TGFBRAP1: variants seen among roughly 807,000 people sequenced by gnomAD.
TGFBRAP1 encodes the protein transforming growth factor-beta receptor-associated protein 1.
In TGFBRAP1, 20 loss-of-function variants were observed where a neutral mutation model predicts 83.2. The observed-to-expected ratio is 0.24, with a 90% CI of 0.17 to 0.35. The LOEUF (loss-of-function observed/expected upper bound fraction) is 0.35, where lower values mean the gene tolerates loss of function less well. Ranked by LOEUF, TGFBRAP1 falls within the 10% of genes least tolerant of loss-of-function variation. The pLI is 1.00. For synonymous variants in TGFBRAP1, 415 were observed against 459.8 expected (o/e 0.90, Z 1.25); for missense variants, 950 against 1,099.4 (o/e 0.86, Z 1.92).
chr2:105,277,841 C>T (rs1471639268), intron 6 of TGFBRAP1, among the ~76,000 whole-genome samples, 170 bp from the exon 7 acceptor site: 2 of 152,172 alleles, frequency 1.3e-5, no homozygotes, highest in African/African-American at 2.4e-5. Flanking sequence ...ATGGCTTGAG[C>T]CCAGGAGTTT....
chr2:105,316,669 C>T (rs184976996), intron 1 of TGFBRAP1, among the ~76,000 whole-genome samples: 1 of 151,922 alleles, frequency 6.6e-6, no homozygotes, highest in East Asian at 1.9e-4. Flanking sequence ...CAAAAATTAG[C>T]TGGGCGTGGC....
At chr2:105,321,231 G>T (rs1355631680) in intron 1 of TGFBRAP1, among the ~76,000 whole-genome samples, 1 of 151,928 alleles carries the variant, frequency 6.6e-6, no homozygotes, top group African/African-American at 2.4e-5. Flanking sequence ...CAGTGGCACG[G>T]TCTCGGCTCA....
At chr2:105,323,506 T>A (rs1679128586) in intron 1 of TGFBRAP1, among the ~76,000 whole-genome samples, 3 of 152,280 alleles carry the variant, frequency 2.0e-5, no homozygotes, top group Admixed American at 6.5e-5. Context: ...ACTGGACACT[T>A]TTTTTTGCAG....
chr2:105,280,843 G>A (rs1254044313), intron 5 of TGFBRAP1, 120 bp from the exon 6 acceptor site: 10 of 1,115,658 alleles, frequency 9.0e-6, no homozygotes, highest in Non-Finnish European at 1.3e-5. Context: ...GGGGAGCTGG[G>A]GACAGGGTAA....
intron 10 of TGFBRAP1, among the ~76,000 whole-genome samples, chr2:105,272,286 T>G (rs1325349194): frequency 6.6e-6 from 1 of 152,180 alleles, no homozygotes; most frequent in Non-Finnish European, 1.5e-5. Context: ...CTGCATAACC[T>G]TCTTGCTTAG....
intron 2 of TGFBRAP1, 66 bp downstream of exon 2, chr2:105,307,548 C>A: frequency 1.3e-6 from 2 of 1,490,464 alleles, no homozygotes. Flanking sequence ...ATCTCACTCT[C>A]CAGTTTCAAC....
At chr2:105,255,608 A>T in the TGFBRAP1 span, among the ~76,000 whole-genome samples, 1 of 152,226 alleles carries the variant, frequency 6.6e-6, no homozygotes, top group Admixed American at 6.5e-5. Context: ...GATATGAGCC[A>T]CCCCACCAAA....
At chr2:105,301,030 C>T (rs1358693368) in intron 2 of TGFBRAP1, among the ~76,000 whole-genome samples, 1 of 152,004 alleles carries the variant, frequency 6.6e-6, no homozygotes, top group African/African-American at 2.4e-5. Flanking sequence ...TCAAGACCAG[C>T]CTGGGCCATG....
rs1254934710 is a variant in TGFBRAP1, at chr2:105,272,840, T to C, written c.1972+15A>G. ...AGTTTTTTCCAAAGGGAGACAATAC[T>C]GAGATCATCCTCACCGAGAAGAAAG... On this transcript the variant is annotated intron_variant, in intron 10 of 11. Transcript: ENST00000393359. The C allele has an allele frequency of 6.2e-7, 1 of 1,605,102 alleles. No homozygotes were observed. Among genetic ancestry groups the C allele is most frequent in the Non-Finnish European group, 8.5e-7 (1 of 1,178,686 alleles).
chr2:105,269,439 C>T lies in TGFBRAP1; in HGVS notation c.2239G>A (p.Glu747Lys), dbSNP rs376484055. ...TGCAGCACCTGGGCTGCATCAAATT[C>T]GGTGGCGTGGCGGTTCAGCAGGTCC... Reference protein sequence around the residue: ...AVDLLNRHATEFDAAQVLQML... With the variant: ...AVDLLNRHATKFDAAQVLQML... The change falls in exon 11 of 12, where the codon GAA becomes AAA. Residue 747 changes from glutamate (E) to lysine (K), a missense_variant. Physicochemically the swap from Glu to Lys is moderately conservative, Grantham distance 56. Coordinates refer to ENST00000393359, the MANE Select transcript of TGFBRAP1 (RefSeq NM_004257.6). This position sits in a 1 kb window ranked among gnomAD's most constrained non-coding sequence, Gnocchi z 4.1. 16 of 1,613,796 alleles carry T rather than the reference C, an allele frequency of 9.9e-6. No homozygotes were observed. The highest frequency in any genetic ancestry group is 6.7e-5 in the East Asian group (3 of 44,882).
downstream of TGFBRAP1, among the ~76,000 whole-genome samples, chr2:105,259,886 T>G (rs1676749327): frequency 6.6e-6 from 1 of 152,198 alleles, no homozygotes. Context: ...AGACCATTCA[T>G]GAGCTCTGCT....
chr2:105,299,952 T>A (rs757657265), intron 2 of TGFBRAP1, among the ~76,000 whole-genome samples: 1 of 152,216 alleles, frequency 6.6e-6, no homozygotes, highest in Non-Finnish European at 1.5e-5. Flanking sequence ...TGATAAAGTC[T>A]ATTGTTTCTG....
intron 2 of TGFBRAP1, 146 bp downstream of exon 2, chr2:105,307,468 G>T: frequency 1.1e-6 from 1 of 873,002 alleles, no homozygotes; most frequent in Non-Finnish European, 1.8e-6. Context: ...TCAAGCACTG[G>T]TCAAGCACTG....
At chr2:105,327,744 G>GATTCCTGCAGTGCCTATAATA (rs1342005555) in intron 1 of TGFBRAP1, among the ~76,000 whole-genome samples, 1 of 152,214 alleles carries the variant, frequency 6.6e-6, no homozygotes, top group African/African-American at 2.4e-5. Context: ...TTGGTCCTGG[G>GATTCCTGCAGTGCCTATAATA]ATTCCTGCAG....
intron 2 of TGFBRAP1, among the ~76,000 whole-genome samples, chr2:105,302,009 T>TAA (rs35548542): frequency 0.04 from 2,988 of 75,000 alleles, 192 homozygotes; most frequent in African/African-American, 0.14. Flanking sequence ...TAAAGAATAC[T>TAA]AAAAAAAAAA....
At chr2:105,295,673 T>C (rs1446148768) in intron 4 of TGFBRAP1, among the ~76,000 whole-genome samples, 3 of 151,774 alleles carry the variant, frequency 2.0e-5, no homozygotes. Flanking sequence ...TTGCTGGGTG[T>C]GGTGGCGGGC....
downstream of TGFBRAP1, among the ~76,000 whole-genome samples, chr2:105,259,657 C>T (rs1676744267): frequency 6.6e-6 from 1 of 152,162 alleles, no homozygotes; most frequent in Non-Finnish European, 1.5e-5. Context: ...GCTAATGAAA[C>T]ACACAGGGCA....
At chr2:105,252,598 C>T in the TGFBRAP1 span, among the ~76,000 whole-genome samples, 11 of 152,142 alleles carry the variant, frequency 7.2e-5, no homozygotes, top group African/African-American at 2.4e-4. Context: ...TTTTTTGTCC[C>T]ACTCATCTCT....
intron 4 of TGFBRAP1, among the ~76,000 whole-genome samples, chr2:105,292,401 C>T (rs76960070): frequency 1.6e-4 from 24 of 152,146 alleles, no homozygotes; most frequent in African/African-American, 4.6e-4. Context: ...GGAAGAGTGA[C>T]GAAGATGTTA....
Sources: gnomAD v4.1 joint callset for allele counts (sites outside exome capture counted in the v4.1 genomes callset) on GRCh38, gnomAD v4.1.1 for gene constraint, Gnocchi (gnomAD v3.1) non-coding constraint, MANE v1.5 for transcripts, NCBI Gene and HGNC (gene_info 2026-07-23, HGNC 2026-07-21) for gene names.